SP7: variants seen among roughly 807,000 people sequenced by gnomAD.
SP7 encodes Sp7 transcription factor.
A neutral mutation model predicts 27.9 loss-of-function variants in SP7; 13 were observed. That is an observed-to-expected ratio of 0.47 (90% CI 0.30 to 0.74). The LOEUF (loss-of-function observed/expected upper bound fraction) is 0.74, where lower values mean the gene tolerates loss of function less well. SP7 is among the 30% of genes least tolerant of loss of function. The pLI is 0.06. For synonymous variants in SP7, 219 were observed against 226.7 expected, an observed-to-expected ratio of 0.97 and a Z score of 0.31; for missense variants, 525 against 558.0, an observed-to-expected ratio of 0.94 and a Z score of 0.60.
At chr12:53,332,691 A>G (rs1944719565) in intron 2 of SP7, among the ~76,000 whole-genome samples, 1 of 152,200 alleles carries the variant, frequency 6.6e-6, no homozygotes, top group South Asian at 2.1e-4. Context: ...ACTGGGCTAG[A>G]AAAGCAAAGG....
At chr12:53,343,016 G>A (rs1046188824) in intron 1 of SP7, among the ~76,000 whole-genome samples, 30 of 151,286 alleles carry the variant, frequency 2.0e-4, no homozygotes, top group African/African-American at 6.6e-4. Context: ...GAAGAGTGGT[G>A]CCAGTGCAGT....
In SP7 at chr12:53,327,058, C is replaced by G. The variant is rs1292799156; in HGVS notation, c.*1088G>C. The G allele has an allele frequency of 6.6e-6, 1 of 152,570 alleles. No individual in the cohort carries two copies. The highest frequency in any genetic ancestry group is 6.5e-5 in the Admixed American group (1 of 15,284). 9.5% of individuals were successfully genotyped at this position (152,570 alleles called of 1,614,324 possible). ...GCACATCTAAGATGGCAGCTGCAAG[C>G]TCTCCATAACCATGGCAACAGGGGA... is the stretch of plus-strand genomic sequence containing the variant. On this transcript the variant is annotated 3_prime_UTR_variant, in exon 3 of 3. Coordinates refer to ENST00000536324, the MANE Select transcript of SP7 (RefSeq NM_001173467.3).
intron 2 of SP7, 33 bp downstream of exon 2, chr12:53,335,593 G>T: frequency 1.7e-6 from 2 of 1,148,442 alleles, no homozygotes; most frequent in Non-Finnish European, 2.6e-6. Context: ...TAAGGTTGTG[G>T]CTGGTTTCCT....
chr12:53,341,566 A>G (rs1034956884), intron 1 of SP7, among the ~76,000 whole-genome samples: 1 of 152,222 alleles, frequency 6.6e-6, no homozygotes, highest in African/African-American at 2.4e-5. Context: ...AGTGTCTTTC[A>G]TAAGAAGAAG....
chr12:53,335,679 G>T lies in SP7; in HGVS notation c.-33C>A. 6.7e-7 allele frequency: 1 copy of T among 1,498,960 alleles called. No homozygotes were observed. Among genetic ancestry groups the T allele is most frequent in the Non-Finnish European group, 9.0e-7 (1 of 1,112,898 alleles). The allele number at this position is 1,498,960 out of a possible 1,614,324, so 92.9% of individuals were successfully genotyped here. A position where few individuals can be genotyped will look rare whatever the true frequency, so the allele number is the denominator to read the frequency against. The stretch of plus-strand genomic sequence containing the variant: ...CTGGGGAACGGGTCCCAAGGAGCCA[G>T]GCAGATGGAGAGAGCTGAGCCGGGG... On this transcript the variant is annotated 5_prime_UTR_variant, in exon 2 of 3. It adds an upstream start codon to the 5' untranslated region. Transcript: ENST00000536324.
chr12:53,338,739 G>C (rs776531399), upstream of SP7, among the ~76,000 whole-genome samples: 1 of 152,142 alleles, frequency 6.6e-6, no homozygotes, highest in African/African-American at 2.4e-5. Flanking sequence ...GTGAGCCAGT[G>C]CCCCGATGTG....
chr12:53,335,676 C>T lies in SP7; in HGVS notation c.-30G>A, dbSNP rs1944760398. ...AGGCTGGGGAACGGGTCCCAAGGAG[C>T]CAGGCAGATGGAGAGAGCTGAGCCG... On this transcript the variant is annotated 5_prime_UTR_variant, in exon 2 of 3. Coordinates refer to ENST00000536324, the MANE Select transcript of SP7 (RefSeq NM_001173467.3). 2.1e-6 allele frequency: 3 copies of T among 1,459,070 alleles called. No individual in the cohort carries two copies. Among genetic ancestry groups the T allele is most frequent in the African/African-American group, 1.6e-5 (1 of 64,190 alleles). The allele number at this position is 1,459,070 out of a possible 1,614,324, so 90.4% of individuals were successfully genotyped here.
At chr12:53,335,977 G>T (rs767683423) in intron 1 of SP7, among the ~76,000 whole-genome samples, 169 bp downstream of exon 1, 38 of 152,132 alleles carry the variant, frequency 2.5e-4, no homozygotes, top group Non-Finnish European at 4.4e-4. Context: ...CCATGGAAGG[G>T]GTGGGAAGCA....
At chr12:53,334,234 A>G (rs998618295) in intron 2 of SP7, among the ~76,000 whole-genome samples, 3 of 151,862 alleles carry the variant, frequency 2.0e-5, no homozygotes, top group African/African-American at 7.3e-5. Context: ...GTTGGCTTGC[A>G]TGCTATTCCC....
Position 53,335,653 on chromosome 12 carries a change from G to A in SP7, c.-7C>T. 3 of 1,549,530 alleles carry A rather than the reference G, an allele frequency of 1.9e-6. No homozygotes were observed. The highest frequency in any genetic ancestry group is 2.6e-6 in the Non-Finnish European group (3 of 1,146,686). On this transcript the variant is annotated 5_prime_UTR_variant, in exon 2 of 3. Coordinates refer to ENST00000536324, the MANE Select transcript of SP7 (RefSeq NM_001173467.3). Reference sequence around the variant, plus strand: ...CAAGCAGGGAGGACGCCATCCTGAGGCTGGGGAACGGGTCCCAAGGAGCCA... The same window carrying A: ...CAAGCAGGGAGGACGCCATCCTGAGACTGGGGAACGGGTCCCAAGGAGCCA...
At chr12:53,336,376 G>A (rs10876431), upstream of SP7, 8,056 of 154,276 alleles carry the variant, frequency 0.052, 286 homozygotes, top group Non-Finnish European at 0.08. Context: ...GGCTGCTGCC[G>A]CCCGCCGCTG....
Position 53,344,479 on chromosome 12 carries a change from A to G in SP7, c.-34+635T>C, listed in dbSNP as rs1944846640. On this transcript the variant is annotated intron_variant, in intron 1 of 1. Transcript: ENST00000547755. The surrounding 1 kb of genome is among the most constrained non-coding windows in gnomAD (Gnocchi z 4.6). ...GGCCCACTTTCCACCGCCTCAGTTAATGAAGGTCCTTGGGACTCAGCTACC... is the reference window on the plus strand; with the variant it reads ...GGCCCACTTTCCACCGCCTCAGTTAGTGAAGGTCCTTGGGACTCAGCTACC... Among the ~76,000 whole-genome samples the G allele has an allele frequency of 6.6e-6, 1 of 152,110 alleles. No homozygotes were observed. Among genetic ancestry groups the G allele is most frequent in the Non-Finnish European group, 1.5e-5 (1 of 68,034 alleles).
intron 2 of SP7, among the ~76,000 whole-genome samples, chr12:53,331,351 A>G: frequency 6.6e-6 from 1 of 151,962 alleles, no homozygotes; most frequent in Non-Finnish European, 1.5e-5. Context: ...AGGCGCCTGT[A>G]ATCCCAGCTA....
chr12:53,338,921 G>A (rs552685893), upstream of SP7, among the ~76,000 whole-genome samples: 3 of 152,280 alleles, frequency 2.0e-5, no homozygotes, highest in Admixed American at 6.5e-5. Flanking sequence ...AGGCTCTGGT[G>A]TTCCTGGGTC....
upstream of SP7, among the ~76,000 whole-genome samples, chr12:53,337,934 G>GA (rs1164646909): frequency 5.3e-5 from 8 of 151,940 alleles, no homozygotes; most frequent in African/African-American, 1.9e-4. Context: ...TAAGAGAGAG[G>GA]AAACAGGAAA....
chr12:53,328,162 T>C lies in SP7; in HGVS notation c.1280A>G (p.Asn427Ser). ...CCACCCGGCTCAGATCTCCAGCAAG[T>C]TGCTCTGCTCAGGGCTGCCTCCAGG... is the stretch of plus-strand genomic sequence containing the variant. ...KAPGGSPEQS[N>S]LLEI is the part of the protein sequence containing the mutation. The change falls in exon 3 of 3, where the codon AAC (asparagine) becomes AGC (serine). Residue 427 changes from asparagine (N) to serine (S), a missense_variant. Asn to Ser is a conservative substitution (Grantham distance 46, BLOSUM62 1). Coordinates refer to ENST00000536324, the MANE Select transcript of SP7 (RefSeq NM_001173467.3). The surrounding 1 kb of genome is among the most constrained non-coding windows in gnomAD (Gnocchi z 5.1). The C allele has an allele frequency of 1.2e-6, 2 of 1,611,722 alleles. No individual in the cohort carries two copies. The highest frequency in any genetic ancestry group is 1.7e-6 in the Non-Finnish European group (2 of 1,179,292).
chr12:53,336,957 C>G (rs115666686), upstream of SP7, among the ~76,000 whole-genome samples: 499 of 152,178 alleles, frequency 3.3e-3, 2 homozygotes, highest in African/African-American at 0.011. Flanking sequence ...GAGGTGATAC[C>G]TAGGCCTACC....
upstream of SP7, among the ~76,000 whole-genome samples, chr12:53,339,464 G>GCCGGTAATC (rs1170251375): frequency 6.0e-5 from 9 of 149,740 alleles, no homozygotes; most frequent in African/African-American, 1.7e-4. Flanking sequence ...AGTGGCTCAC[G>GCCGGTAATC]CCGGTAATCC....
intron 2 of SP7, among the ~76,000 whole-genome samples, chr12:53,330,781 G>A (rs1944695307): frequency 6.6e-6 from 1 of 152,192 alleles, no homozygotes; most frequent in African/African-American, 2.4e-5. Context: ...CCTGACTAAG[G>A]CAGTGGTCTT....
Sources: gnomAD v4.1 joint callset for allele counts (sites outside exome capture counted in the v4.1 genomes callset) on GRCh38, gnomAD v4.1.1 for gene constraint, Gnocchi (gnomAD v3.1) non-coding constraint, MANE v1.5 for transcripts, NCBI Gene and HGNC (gene_info 2026-07-23, HGNC 2026-07-21) for gene names.